The following GALNTL6 variants were observed in gnomAD, a reference collection of about 807,000 sequenced individuals.
GALNTL6 encodes the protein polypeptide N-acetylgalactosaminyltransferase like 6.
Under a neutral mutation model 73.7 loss-of-function variants are expected in GALNTL6, and 46 were observed. The observed-to-expected ratio is 0.62, with a 90% CI of 0.49 to 0.80. The LOEUF (loss-of-function observed/expected upper bound fraction) is 0.80. GALNTL6 is among the 30% of genes least tolerant of loss of function. The pLI, the probability that GALNTL6 is intolerant of heterozygous loss-of-function variation, is 0.00. For synonymous variants in GALNTL6, 259 were observed against 263.7 expected (o/e 0.98, Z 0.17); for missense variants, 604 against 755.0 (o/e 0.80, Z 2.34).
intron 2 of GALNTL6, among the ~76,000 whole-genome samples, chr4:172,227,145 G>A (rs976267684): frequency 9.9e-5 from 15 of 152,058 alleles, no homozygotes; most frequent in African/African-American, 3.1e-4. Flanking sequence ...TTGCTAATTA[G>A]GCTATTTCCC....
At chr4:172,100,796 G>A (rs1428960165) in intron 2 of GALNTL6, among the ~76,000 whole-genome samples, 1 of 152,050 alleles carries the variant, frequency 6.6e-6, no homozygotes, top group East Asian at 1.9e-4. Context: ...ATAACCTGGT[G>A]TTTTCTTCTG....
chr4:172,357,358 C>G (rs559620564), intron 5 of GALNTL6, among the ~76,000 whole-genome samples: 2 of 152,134 alleles, frequency 1.3e-5, no homozygotes, highest in South Asian at 2.1e-4. Flanking sequence ...GGCAGCCTAG[C>G]AAGGCTGCTT....
At chr4:172,685,075 A>T (rs565002715) in intron 5 of GALNTL6, among the ~76,000 whole-genome samples, 1 of 152,194 alleles carries the variant, frequency 6.6e-6, no homozygotes, top group Non-Finnish European at 1.5e-5. Flanking sequence ...GCATTCTATT[A>T]CTTGAGTTTT....
chr4:172,604,354 C>G (rs1273185848), intron 5 of GALNTL6, among the ~76,000 whole-genome samples: 1 of 151,854 alleles, frequency 6.6e-6, no homozygotes, highest in Non-Finnish European at 1.5e-5. Flanking sequence ...GCAGAAGTAT[C>G]AAAGAGGAAT....
intron 4 of GALNTL6, among the ~76,000 whole-genome samples, chr4:172,323,253 A>G (rs1167776976): frequency 6.6e-6 from 1 of 152,170 alleles, no homozygotes; most frequent in African/African-American, 2.4e-5. Flanking sequence ...ATGCTTGCAT[A>G]TACTTGGCAG....
chr4:172,815,800 C>G (rs752351470), intron 7 of GALNTL6, among the ~76,000 whole-genome samples: 1 of 152,202 alleles, frequency 6.6e-6, no homozygotes, highest in Non-Finnish European at 1.5e-5. Flanking sequence ...TTGCATTCAT[C>G]TATTGCATAT....
At position 173,041,421 on chromosome 4, in the gene GALNTL6, T is replaced by C. The variant is rs1753880667; in HGVS notation, c.*1321T>C. On this transcript the variant is annotated 3_prime_UTR_variant, in exon 13 of 13. Transcript: ENST00000506823. The stretch of plus-strand genomic sequence containing the variant: ...ACATTGGGGGAAGAAAACACAGGTA[T>C]CAAGGTGGTTCTTGGGAAAAAAGAA... 1 of 152,204 alleles carries C rather than the reference T, an allele frequency of 6.6e-6. No homozygotes were observed. Among genetic ancestry groups the C allele is most frequent in the Admixed American group, 6.5e-5 (1 of 15,272 alleles). The allele number at this position is 152,204 out of a possible 1,614,324, so 9.4% of individuals were successfully genotyped here.
chr4:172,106,088 A>G (rs1383255625), intron 2 of GALNTL6, among the ~76,000 whole-genome samples: 3 of 152,186 alleles, frequency 2.0e-5, no homozygotes, highest in Admixed American at 6.5e-5. Context: ...TGACTAAGAA[A>G]CCTCTACATG....
chr4:172,376,024 C>A (rs4692648), intron 5 of GALNTL6, among the ~76,000 whole-genome samples: 19,758 of 152,102 alleles, frequency 0.13, 1,273 homozygotes, highest in East Asian at 0.17. Context: ...CATATCCTAC[C>A]TTCAGGAATA....
chr4:171,920,866 T>C (rs1737764103), intron 2 of GALNTL6, among the ~76,000 whole-genome samples: 1 of 152,110 alleles, frequency 6.6e-6, no homozygotes. Flanking sequence ...CATATTACTA[T>C]GGTAGACATA....
intron 5 of GALNTL6, among the ~76,000 whole-genome samples, chr4:172,804,740 C>A (rs575726332): frequency 6.6e-6 from 1 of 152,180 alleles, no homozygotes; most frequent in Non-Finnish European, 1.5e-5. Context: ...ATAAGCATAA[C>A]TTATTGAACA....
At chr4:172,099,202 C>A (rs946485401) in intron 2 of GALNTL6, among the ~76,000 whole-genome samples, 4 of 151,992 alleles carry the variant, frequency 2.6e-5, no homozygotes, top group African/African-American at 9.7e-5. Context: ...TTTGAACTGA[C>A]CAATGATTTG....
At position 172,970,506 on chromosome 4, in the gene GALNTL6, G is replaced by A. The variant is rs187291967; in HGVS notation, c.1371+18248G>A. ...TTCCTTGCTAGGAGAAGAATTCAGC[G>A]ATATCTCTCCTACTTACATGTCCGT... On this transcript the variant is annotated intron_variant, in intron 10 of 12. Transcript: ENST00000506823. 8.1e-4 allele frequency among the ~76,000 whole-genome samples: 124 copies of A among 152,226 alleles called. 2 individuals carry two copies. In the South Asian group the frequency reaches 8.7e-3, roughly 11 times the overall value.
At chr4:172,377,042 G>A (rs1743057732) in intron 5 of GALNTL6, among the ~76,000 whole-genome samples, 1 of 152,140 alleles carries the variant, frequency 6.6e-6, no homozygotes, top group Admixed American at 6.5e-5. Flanking sequence ...AAAGAACAAA[G>A]CTTCCACAGT....
At chr4:171,839,690 A>C (rs1429569918) in intron 2 of GALNTL6, among the ~76,000 whole-genome samples, 6 of 151,736 alleles carry the variant, frequency 4.0e-5, no homozygotes, top group African/African-American at 1.2e-4. Flanking sequence ...AAAAAAAAAA[A>C]GATGTAATAA....
chr4:172,183,431 T>G (rs1735318389), intron 2 of GALNTL6, among the ~76,000 whole-genome samples: 1 of 152,218 alleles, frequency 6.6e-6, no homozygotes, highest in Non-Finnish European at 1.5e-5. Context: ...AATGACAAAT[T>G]CAAACTGGCT....
intron 3 of GALNTL6, among the ~76,000 whole-genome samples, chr4:172,256,369 G>A (rs905572): frequency 0.52 from 78,066 of 151,042 alleles, 20,350 homozygotes; most frequent in African/African-American, 0.6. Context: ...TGCCTCTGTA[G>A]TCCATTATTT....
At chr4:172,819,490 G>A (rs1741805778) in intron 7 of GALNTL6, among the ~76,000 whole-genome samples, 1 of 152,174 alleles carries the variant, frequency 6.6e-6, no homozygotes, top group Non-Finnish European at 1.5e-5. Flanking sequence ...AAGCTATACA[G>A]TCTAAATGAC....
chr4:172,229,739 C>T lies in GALNTL6; in HGVS notation c.222C>T (p.Ser74=). The T allele has an allele frequency of 6.2e-7, 1 of 1,612,910 alleles. No homozygotes were observed. Among genetic ancestry groups the T allele is most frequent in the African/African-American group, 1.3e-5 (1 of 75,002 alleles). Residue 74 remains serine (S), a synonymous_variant, in exon 3 of 13, where the codon AGC becomes AGT. Coordinates refer to ENST00000506823, the MANE Select transcript of GALNTL6 (RefSeq NM_001034845.3). ...LRRKDWHDYE[S]IQKEAMRSGK... is the part of the protein sequence containing the mutation. ...GAAAGGACTGGCATGACTATGAAAG[C>T]ATTCAGAAAGAGGCTATGCGCTCAG...
Sources: allele counts gnomAD v4.1 joint callset (sites outside exome capture counted in the v4.1 genomes callset), GRCh38; gene constraint gnomAD v4.1.1; transcripts MANE v1.5; gene names NCBI Gene and HGNC (gene_info 2026-07-23, HGNC 2026-07-21).